The following SEZ6L variants were observed in gnomAD, a reference collection of about 807,000 sequenced individuals.
SEZ6L encodes the protein seizure related 6 homolog like, also known as seizure 6-like protein.
In SEZ6L, 37 loss-of-function variants were observed where a neutral mutation model predicts 106.2. That is an observed-to-expected ratio of 0.35 (90% CI 0.27 to 0.46). SEZ6L has a LOEUF of 0.46. Ranked by LOEUF, SEZ6L falls within the 20% of genes least tolerant of loss-of-function variation. The pLI, the probability that SEZ6L is intolerant of heterozygous loss-of-function variation, is 1.00. For missense variants in SEZ6L, 1,172 were observed against 1,332.8 expected (o/e 0.88, Z 1.88); for synonymous variants, 541 against 570.4 (o/e 0.95, Z 0.73).
chr22:26,240,840 G>A (rs1365588464), intron 1 of SEZ6L, among the ~76,000 whole-genome samples: 1 of 152,072 alleles, frequency 6.6e-6, no homozygotes, highest in African/African-American at 2.4e-5. Flanking sequence ...GAGGGTGTCA[G>A]GTGCTATGGG....
rs2084374090 is a variant in SEZ6L at position 26,380,282 on chromosome 22, A to C, written c.3062A>C (p.Glu1021Ala). 1.2e-6 allele frequency: 2 copies of C among 1,613,458 alleles called. No homozygotes were observed. Among genetic ancestry groups the C allele is most frequent in the Non-Finnish European group, 1.7e-6 (2 of 1,179,644 alleles). ...CTCTTGCAGGAAACCAGAGAGTATG[A>C]GGTTTCTATCTAAAGAGAGCTACAC... The part of the protein sequence containing the change: ...IYETGETREY[E>A]VSI The change falls in exon 17 of 17, where the codon GAG becomes GCG. Residue 1021 changes from glutamate (E) to alanine (A), a missense_variant. Transcript: ENST00000248933.
intron 1 of SEZ6L, among the ~76,000 whole-genome samples, chr22:26,207,355 C>A (rs778007660): frequency 6.6e-6 from 1 of 152,200 alleles, no homozygotes; most frequent in South Asian, 2.1e-4. Context: ...GTTGCTTCAT[C>A]ACCTGAAGCA....
chr22:26,286,745 C>CTTT (rs137200), intron 1 of SEZ6L, among the ~76,000 whole-genome samples: 10 of 118,650 alleles, frequency 8.4e-5, no homozygotes, highest in Non-Finnish European at 1.4e-4. Flanking sequence ...AGAGCTTGTG[C>CTTT]TTTTTTTTTT....
At chr22:26,278,874 GAAAGAAA>G (rs1480906871) in intron 1 of SEZ6L, among the ~76,000 whole-genome samples, 1 of 140,108 alleles carries the variant, frequency 7.1e-6, no homozygotes, top group Non-Finnish European at 1.6e-5. Flanking sequence ...GAAAGAGAAA[GAAAGAAA>G]AGGAAGAAAG....
chr22:26,175,541 A>G (rs1323216894), intron 1 of SEZ6L, among the ~76,000 whole-genome samples: 7 of 152,166 alleles, frequency 4.6e-5, no homozygotes, highest in Admixed American at 3.3e-4. Flanking sequence ...CAAACTCCAA[A>G]CACTGACAGG....
At chr22:26,359,564 G>A (rs190144652) in intron 12 of SEZ6L, among the ~76,000 whole-genome samples, 60 of 152,260 alleles carry the variant, frequency 3.9e-4, no homozygotes, top group African/African-American at 1.3e-3. Flanking sequence ...TTGAAAGAAC[G>A]AGACAGGAGG....
intron 1 of SEZ6L, among the ~76,000 whole-genome samples, chr22:26,226,031 A>C (rs1295874912): frequency 6.6e-6 from 1 of 152,184 alleles, no homozygotes. Flanking sequence ...TGCCTCATAA[A>C]TATTTCTCAA....
intron 1 of SEZ6L, among the ~76,000 whole-genome samples, chr22:26,208,996 T>C (rs1941460306): frequency 6.6e-6 from 1 of 152,104 alleles, no homozygotes; most frequent in African/African-American, 2.4e-5. Flanking sequence ...TCTGTTGACC[T>C]ATCTTCGAGT....
intron 12 of SEZ6L, among the ~76,000 whole-genome samples, chr22:26,357,781 C>T (rs2146038539): frequency 6.6e-6 from 1 of 152,262 alleles, no homozygotes; most frequent in Non-Finnish European, 1.5e-5. Flanking sequence ...TGGTCTTTAT[C>T]ACACCTCTGC....
chr22:26,238,682 T>C, intron 1 of SEZ6L, among the ~76,000 whole-genome samples: 1 of 152,228 alleles, frequency 6.6e-6, no homozygotes, highest in East Asian at 1.9e-4. Context: ...TCATTCAATA[T>C]TCTCCATTGC....
intron 1 of SEZ6L, among the ~76,000 whole-genome samples, chr22:26,191,032 G>A (rs1328625104): frequency 6.6e-6 from 1 of 152,214 alleles, no homozygotes; most frequent in Non-Finnish European, 1.5e-5. Context: ...GATACGGGGT[G>A]TGGCAAGACA....
At chr22:26,228,908 A>G (rs1281432557) in intron 1 of SEZ6L, among the ~76,000 whole-genome samples, 1 of 152,274 alleles carries the variant, frequency 6.6e-6, no homozygotes, top group African/African-American at 2.4e-5. Context: ...TTTAAGGTGC[A>G]TCAGAGGATG....
chr22:26,312,992 A>T (rs1031011794), intron 8 of SEZ6L, among the ~76,000 whole-genome samples: 2 of 152,246 alleles, frequency 1.3e-5, no homozygotes, highest in Admixed American at 1.3e-4. Context: ...GTGTGAAATC[A>T]CAGCCTTGCC....
At chr22:26,206,232 G>A (rs1941263893) in intron 1 of SEZ6L, among the ~76,000 whole-genome samples, 1 of 152,072 alleles carries the variant, frequency 6.6e-6, no homozygotes, top group African/African-American at 2.4e-5. Context: ...GAAAATTACT[G>A]CTTGCCCTTG....
At chr22:26,329,757 G>T (rs1026179573) in intron 9 of SEZ6L, among the ~76,000 whole-genome samples, 1 of 152,194 alleles carries the variant, frequency 6.6e-6, no homozygotes, top group Admixed American at 6.5e-5. Context: ...TCCTCTATGG[G>T]ATTCATAATG....
chr22:26,180,308 G>A (rs1363608418), intron 1 of SEZ6L, among the ~76,000 whole-genome samples: 1 of 152,126 alleles, frequency 6.6e-6, no homozygotes, highest in Non-Finnish European at 1.5e-5. Context: ...TGGCCTGTCT[G>A]ATAATCACAT....
chr22:26,347,672 C>A (rs906130873), intron 10 of SEZ6L, 47 bp from the exon 11 acceptor site: 4 of 1,522,906 alleles, frequency 2.6e-6, no homozygotes, highest in Admixed American at 2.2e-5. Flanking sequence ...GAGGCCCCGA[C>A]AACAAGACTG....
At chr22:26,326,419 A>G (rs953907443) in intron 9 of SEZ6L, among the ~76,000 whole-genome samples, 1 of 152,154 alleles carries the variant, frequency 6.6e-6, no homozygotes, top group Middle Eastern at 3.2e-3. Context: ...AGGTCTGGAG[A>G]TGACAATCAT....
rs140058968 is a variant in SEZ6L, at chr22:26,305,177, A to C, written c.1349-802A>C. 1.7e-3 allele frequency among the ~76,000 whole-genome samples: 252 copies of C among 152,352 alleles called. 2 individuals carry two copies. The highest frequency in any genetic ancestry group is 5.8e-3 in the African/African-American group (243 of 41,584). On this transcript the variant is annotated intron_variant, in intron 5 of 16. Coordinates refer to ENST00000248933, the MANE Select transcript of SEZ6L (RefSeq NM_021115.5). Reference sequence around the variant, plus strand: ...AAATTGAAACACTGTTATGTGGCACATGATGTATTTCACTAAACATCTGTG... The same window carrying C: ...AAATTGAAACACTGTTATGTGGCACCTGATGTATTTCACTAAACATCTGTG...
Sources: gnomAD v4.1 joint callset for allele counts (sites outside exome capture counted in the v4.1 genomes callset) on GRCh38, gnomAD v4.1.1 for gene constraint, MANE v1.5 for transcripts, NCBI Gene and HGNC (gene_info 2026-07-23, HGNC 2026-07-21) for gene names.